AFF4: variants seen among roughly 807,000 people sequenced by gnomAD.
AFF4 encodes the protein AF4/FMR2 family member 4.
AFF4 carries 13 observed loss-of-function variants against 124.8 expected under a neutral mutation model. That is an observed-to-expected ratio of 0.10 (90% CI 0.07 to 0.17). The LOEUF is 0.17. Among genes scored for constraint, AFF4 ranks in the 10% least tolerant of loss-of-function variants. The probability of loss-of-function intolerance (pLI) is 1.00; values close to 1 mark genes in which losing one functional copy is unlikely to be tolerated. For missense variants in AFF4, 1,092 were observed against 1,403.8 expected (o/e 0.78, Z 3.55); for synonymous variants, 477 against 496.1 (o/e 0.96, Z 0.51).
rs77593839 is a variant in AFF4 at position 132,945,101 on chromosome 5, A to G, written c.-4-7908T>C. The G allele has an allele frequency of 2.9e-5, 5 of 174,624 alleles. No individual in the cohort carries two copies. In the East Asian group the frequency reaches 7.3e-4, roughly 25 times the overall value. The allele number at this position is 174,624 out of a possible 1,614,324, so 10.8% of individuals were successfully genotyped here. A position where few individuals can be genotyped will look rare whatever the true frequency, so the allele number is the denominator to read the frequency against. On this transcript the variant is annotated intron_variant, in intron 1 of 20. Coordinates refer to ENST00000265343, the MANE Select transcript of AFF4 (RefSeq NM_014423.4). ...CAGTCTCAATCAATGGTAGAAGAAC[A>G]GTCTCAGAATTGTTTGTTTCGATTG...
At chr5:132,890,183 A>G (rs564847209) in intron 13 of AFF4, among the ~76,000 whole-genome samples, 3 of 151,308 alleles carry the variant, frequency 2.0e-5, no homozygotes, top group Non-Finnish European at 2.9e-5. Context: ...AAAAATATAA[A>G]ATTTTTAAAT....
intron 16 of AFF4, 86 bp downstream of exon 16, chr5:132,887,760 C>A (rs1283256829): frequency 6.4e-7 from 1 of 1,550,958 alleles, no homozygotes; most frequent in East Asian, 2.2e-5. Context: ...TATACACCCT[C>A]TTCAGTTTAC....
intron 1 of AFF4, among the ~76,000 whole-genome samples, chr5:132,952,309 G>C (rs145581603): frequency 3.3e-5 from 5 of 152,030 alleles, no homozygotes; most frequent in Non-Finnish European, 5.9e-5. Flanking sequence ...TTCTGTTTCC[G>C]ATTTCCCACA....
intron 1 of AFF4, among the ~76,000 whole-genome samples, chr5:132,959,905 C>T (rs1435647348): frequency 6.6e-6 from 1 of 151,860 alleles, no homozygotes; most frequent in Non-Finnish European, 1.5e-5. Flanking sequence ...GCTGGGACTA[C>T]AGGCGCCTGC....
At chr5:132,912,773 G>T (rs1760821930) in intron 5 of AFF4, among the ~76,000 whole-genome samples, 1 of 151,866 alleles carries the variant, frequency 6.6e-6, no homozygotes, top group Non-Finnish European at 1.5e-5. Context: ...CGGGAGAAAT[G>T]CAAGTATAAT....
chr5:132,896,385 T>G lies in AFF4; in HGVS notation c.2245A>C (p.Thr749Pro). Reference protein sequence around the residue: ...GEKKNVPEKHTREAQKQASEK... With the variant: ...GEKKNVPEKHPREAQKQASEK... Reference sequence around the variant, plus strand: ...GAGGCTTGTTTCTGAGCCTCTCTCGTGTGCTTTTCTGGCACATTTTTCTTT... The same window carrying G: ...GAGGCTTGTTTCTGAGCCTCTCTCGGGTGCTTTTCTGGCACATTTTTCTTT... The change falls in exon 11 of 21, where the codon ACG becomes CCG. Residue 749 changes from threonine to proline, a missense_variant. Around this residue, in one of 11 missense-constraint regions of AFF4, gnomAD observed 293 missense variants for 280.2 expected, o/e 1.05. Coordinates refer to ENST00000265343, the MANE Select transcript of AFF4 (RefSeq NM_014423.4). The G allele has an allele frequency of 6.2e-7, 1 of 1,613,590 alleles. No individual in the cohort carries two copies. The highest frequency in any genetic ancestry group is 8.5e-7 in the Non-Finnish European group (1 of 1,179,902).
At position 132,886,317 on chromosome 5, in the gene AFF4, T is replaced by TGCTC; in HGVS notation, c.3088_3091dup (p.His1031ArgfsTer8). 1 of 1,613,740 alleles carries TGCTC rather than the reference T, an allele frequency of 6.2e-7. No homozygotes were observed. Among genetic ancestry groups the TGCTC allele is most frequent in the Non-Finnish European group, 8.5e-7 (1 of 1,179,828 alleles). On this transcript the variant is annotated frameshift_variant, in exon 18 of 21. Transcript: ENST00000265343. LOFTEE classifies it high-confidence loss of function. ...GTGCTTTTGCATACTTACCTTCAGG[T>TGCTC]GCTCTGTCAGTGTCTTTGAGTACTT...
At position 132,934,513 on chromosome 5, in the gene AFF4, G is replaced by T. The variant is rs775519542; in HGVS notation, c.552C>A (p.Pro184=). 6.2e-7 allele frequency: 1 copy of T among 1,614,054 alleles called. No individual in the cohort carries two copies. Among genetic ancestry groups the T allele is most frequent in the Non-Finnish European group, 8.5e-7 (1 of 1,180,020 alleles). The change falls in exon 3 of 21, where the codon CCC becomes CCA. Residue 184 remains proline (P), a synonymous_variant. Transcript: ENST00000265343. ...SKSRSSSPGK[P]QAVSSLNSSH... is the part of the protein sequence containing the mutation. ...TAGAGTTTAATGAAGAAACAGCCTG[G>T]GGTTTTCCAGGGCTGGAAGAACGTG...
At chr5:132,958,081 T>G (rs190363699) in intron 1 of AFF4, among the ~76,000 whole-genome samples, 2 of 152,318 alleles carry the variant, frequency 1.3e-5, no homozygotes, top group African/African-American at 4.8e-5. Context: ...GGAATGCGTG[T>G]TACTTTTTTT....
intron 2 of AFF4, among the ~76,000 whole-genome samples, chr5:132,936,827 T>A (rs1171184083): frequency 2.0e-5 from 3 of 152,202 alleles, no homozygotes; most frequent in Non-Finnish European, 4.4e-5. Flanking sequence ...TGTATGAAGC[T>A]GTTGATGCTG....
At chr5:132,912,631 G>T (rs1002878556) in intron 5 of AFF4, among the ~76,000 whole-genome samples, 2 of 152,102 alleles carry the variant, frequency 1.3e-5, no homozygotes, top group African/African-American at 4.8e-5. Flanking sequence ...AAAGTGCTAG[G>T]ATTATAGGTG....
chr5:132,894,394 G>A (rs759757802), intron 11 of AFF4, among the ~76,000 whole-genome samples: 17 of 152,126 alleles, frequency 1.1e-4, no homozygotes, highest in Non-Finnish European at 2.5e-4. Flanking sequence ...CTTTCTGATG[G>A]AAAACACAAG....
At chr5:132,905,041 T>TC (rs1484206718) in intron 5 of AFF4, among the ~76,000 whole-genome samples, 3 of 95,200 alleles carry the variant, frequency 3.2e-5, no homozygotes, top group Non-Finnish European at 6.1e-5. Flanking sequence ...AGGGCGAGAC[T>TC]CCATCTCAAA....
At chr5:132,897,810 G>A (rs534821752) in intron 10 of AFF4, among the ~76,000 whole-genome samples, 15 of 151,892 alleles carry the variant, frequency 9.9e-5, no homozygotes, top group Admixed American at 4.6e-4. Context: ...ACAAATTACC[G>A]TACAGAATAT....
intron 1 of AFF4, among the ~76,000 whole-genome samples, chr5:132,955,791 A>ATAT (rs1022592362): frequency 3.6e-5 from 5 of 139,966 alleles, no homozygotes; most frequent in African/African-American, 1.1e-4. Context: ...AAAAAAAAAA[A>ATAT]AAAAATATAT....
In AFF4 at chr5:132,896,536, C is replaced by T; in HGVS notation, c.2094G>A (p.Glu698=). ...FRQRMFSPME[E]KELLSPLSEP... ...CACTGAGGGGTGAAAGAAGTTCCTT[C>T]TCTTCCATAGGAGAGAACATTCGTT... Residue 698 remains glutamate, a synonymous_variant, in exon 11 of 21, where the codon GAG becomes GAA. Coordinates refer to ENST00000265343, the MANE Select transcript of AFF4 (RefSeq NM_014423.4). 6.2e-7 allele frequency: 1 copy of T among 1,614,154 alleles called. No homozygotes were observed. The highest frequency in any genetic ancestry group is 2.2e-5 in the East Asian group (1 of 44,882).
At chr5:132,911,847 C>CAA (rs549644890) in intron 5 of AFF4, among the ~76,000 whole-genome samples, 1 of 117,432 alleles carries the variant, frequency 8.5e-6, no homozygotes, top group Admixed American at 8.6e-5. Flanking sequence ...TAAAGACCGC[C>CAA]AAAAAAAAAA....
intron 1 of AFF4, chr5:132,945,009 A>C (rs202239247): frequency 5.5e-6 from 1 of 182,670 alleles, no homozygotes; most frequent in East Asian, 1.3e-4. Context: ...TGGACCTGGC[A>C]ATATCATCGA....
rs1255490190 is a variant in AFF4, at chr5:132,934,132, A to C, written c.918+15T>G. The C allele has an allele frequency of 6.2e-7, 1 of 1,604,426 alleles. No individual in the cohort carries two copies. Among genetic ancestry groups the C allele is most frequent in the East Asian group, 2.2e-5 (1 of 44,784 alleles). On this transcript the variant is annotated intron_variant, in intron 3 of 20. Coordinates refer to ENST00000265343, the MANE Select transcript of AFF4 (RefSeq NM_014423.4). ...ACGTAGTCACAATGTTAAAAGCTCT[A>C]AATGTGTGACTTACATCCAGTGGTT...
Sources: gnomAD v4.1 joint callset for allele counts (sites outside exome capture counted in the v4.1 genomes callset) on GRCh38, gnomAD v4.1.1 for gene constraint, gnomAD v4.1.1 regional missense constraint, MANE v1.5 for transcripts, NCBI Gene and HGNC (gene_info 2026-07-23, HGNC 2026-07-21) for gene names.